Variants in PPFIBP1 observed in about 807,000 individuals in gnomAD.
PPFIBP1 encodes liprin-beta-1.
Under a neutral mutation model 137.8 loss-of-function variants are expected in PPFIBP1, and 112 were observed. The observed-to-expected ratio is 0.81, with a 90% CI of 0.70 to 0.95. The LOEUF is 0.95. Among genes scored for constraint, PPFIBP1 ranks in the 40% least tolerant of loss-of-function variants. The pLI is 0.00. For missense variants in PPFIBP1, 1,083 were observed against 1,196.6 expected, an observed-to-expected ratio of 0.91 and a Z score of 1.40; for synonymous variants, 378 against 417.3, an observed-to-expected ratio of 0.91 and a Z score of 1.15.
At chr12:27,591,650 T>C (rs950394160) in intron 2 of PPFIBP1, among the ~76,000 whole-genome samples, 6 of 152,218 alleles carry the variant, frequency 3.9e-5, no homozygotes, top group African/African-American at 1.4e-4. Flanking sequence ...TATCAAGTGC[T>C]TGTGTTACCT....
chr12:27,631,792 C>A (rs1260290298), intron 2 of PPFIBP1, among the ~76,000 whole-genome samples: 1 of 152,078 alleles, frequency 6.6e-6, no homozygotes, highest in Non-Finnish European at 1.5e-5. Flanking sequence ...CTAACAAAGA[C>A]GAATATTTTT....
chr12:27,631,229 T>A lies in PPFIBP1; in HGVS notation c.-35-2133T>A, dbSNP rs376471342. On this transcript the variant is annotated intron_variant, in intron 2 of 29. Coordinates refer to ENST00000228425, the MANE Select transcript of PPFIBP1 (RefSeq NM_003622.4). ...CATTTCTGCCAAATGATTGTTCATA[T>A]CCTCATGCCTCCTATTTTTTCATTG... is the stretch of plus-strand genomic sequence containing the variant. 1.5e-4 allele frequency among the ~76,000 whole-genome samples: 23 copies of A among 152,318 alleles called. No individual in the cohort carries two copies. In the East Asian group the frequency reaches 4.4e-3, roughly 29 times the overall value.
intron 1 of PPFIBP1, among the ~76,000 whole-genome samples, chr12:27,563,059 A>G (rs1413494349): frequency 6.6e-6 from 1 of 151,558 alleles, no homozygotes; most frequent in African/African-American, 2.4e-5. Context: ...GATGGAATTA[A>G]GGTTACTAAT....
intron 4 of PPFIBP1, among the ~76,000 whole-genome samples, chr12:27,645,831 T>G (rs1206627304): frequency 2.6e-5 from 4 of 152,218 alleles, no homozygotes; most frequent in Non-Finnish European, 5.9e-5. Context: ...TATTTTCTGC[T>G]TGATAAGAAA....
chr12:27,593,941 G>C, intron 2 of PPFIBP1: 1 of 1,478,314 alleles, frequency 6.8e-7, no homozygotes, highest in Non-Finnish European at 8.9e-7. Context: ...CCTCACAGGG[G>C]GTGTCCTCAC....
chr12:27,665,931 A>C (rs1473673873), intron 12 of PPFIBP1, among the ~76,000 whole-genome samples: 1 of 152,238 alleles, frequency 6.6e-6, no homozygotes, highest in East Asian at 1.9e-4. Flanking sequence ...CTTCAGAAGA[A>C]GAGTCTCTAT....
intron 13 of PPFIBP1, among the ~76,000 whole-genome samples, chr12:27,670,306 T>A (rs907235762): frequency 1.3e-5 from 2 of 152,224 alleles, no homozygotes; most frequent in African/African-American, 2.4e-5. Flanking sequence ...GCTGTAATAT[T>A]ATTATTATCA....
intron 2 of PPFIBP1, among the ~76,000 whole-genome samples, chr12:27,623,659 G>T (rs989155760): frequency 6.6e-6 from 1 of 152,118 alleles, no homozygotes; most frequent in African/African-American, 2.4e-5. Context: ...AGTGAGCCGC[G>T]ATCATGCCAC....
At chr12:27,551,139 T>C (rs7133686) in intron 1 of PPFIBP1, among the ~76,000 whole-genome samples, 1,943 of 152,198 alleles carry the variant, frequency 0.013, 18 homozygotes, top group Non-Finnish European at 0.017. Context: ...ATCTGCACCA[T>C]GGTAGTTAAG....
At chr12:27,684,044 C>A (rs527942858) in intron 24 of PPFIBP1, among the ~76,000 whole-genome samples, 2 of 152,250 alleles carry the variant, frequency 1.3e-5, no homozygotes, top group African/African-American at 4.8e-5. Flanking sequence ...ACCTTGGCCT[C>A]CCAAAGTGCT....
intron 5 of PPFIBP1, among the ~76,000 whole-genome samples, chr12:27,647,148 C>T (rs1195220652): frequency 6.6e-6 from 1 of 152,162 alleles, no homozygotes; most frequent in African/African-American, 2.4e-5. Flanking sequence ...ATTACAGGCA[C>T]ATGCCCCCAC....
At chr12:27,634,601 A>C (rs1430348905) in intron 3 of PPFIBP1, among the ~76,000 whole-genome samples, 3 of 152,142 alleles carry the variant, frequency 2.0e-5, no homozygotes, top group Non-Finnish European at 4.4e-5. Context: ...CTGATCTGCC[A>C]CTTTCTTATC....
chr12:27,550,311 C>T (rs1019739468), intron 1 of PPFIBP1, among the ~76,000 whole-genome samples: 2 of 152,192 alleles, frequency 1.3e-5, no homozygotes, highest in African/African-American at 2.4e-5. Flanking sequence ...AGTTTCTGTA[C>T]TTAAAGCCCC....
rs1481577092 is a variant in PPFIBP1, at chr12:27,677,092, C to A, written c.1611C>A (p.Thr537=). ...GTAAACGAAGTGCCAGTGCACCCAC[C>A]CTAGGTATTGTACCCCTGCATGCCA... ...LDRKRSASAP[T]LAETEKETAE... The change falls in exon 19 of 30, where the codon ACC becomes ACA. Residue 537 remains threonine, a synonymous_variant. Coordinates refer to ENST00000228425, the MANE Select transcript of PPFIBP1 (RefSeq NM_003622.4). 1 of 1,613,988 alleles carries A rather than the reference C, an allele frequency of 6.2e-7. No homozygotes were observed. The highest frequency in any genetic ancestry group is 1.3e-5 in the African/African-American group (1 of 74,916).
intron 2 of PPFIBP1, among the ~76,000 whole-genome samples, chr12:27,589,666 G>T (rs1431889487): frequency 4.6e-5 from 7 of 152,194 alleles, no homozygotes; most frequent in Non-Finnish European, 7.3e-5. Context: ...AAGTATGTCA[G>T]AAATCTTACT....
chr12:27,678,392 T>C (rs1336236922), intron 19 of PPFIBP1, among the ~76,000 whole-genome samples: 3 of 152,224 alleles, frequency 2.0e-5, no homozygotes, highest in Admixed American at 6.5e-5. Flanking sequence ...CTTCTCTCAG[T>C]GCCTAGGATT....
intron 2 of PPFIBP1, chr12:27,594,172 C>CAA: frequency 7.9e-6 from 2 of 252,766 alleles, no homozygotes; most frequent in Non-Finnish European, 1.4e-5. Flanking sequence ...ATCCCCTTTT[C>CAA]TATTTTTTTT....
chr12:27,689,726 C>T (rs2061415100), intron 27 of PPFIBP1, among the ~76,000 whole-genome samples: 1 of 152,174 alleles, frequency 6.6e-6, no homozygotes, highest in Admixed American at 6.5e-5. Flanking sequence ...TTGTGGGACC[C>T]TCCCTTAACT....
chr12:27,621,103 G>A (rs954957850), intron 2 of PPFIBP1, among the ~76,000 whole-genome samples: 1 of 152,250 alleles, frequency 6.6e-6, no homozygotes, highest in African/African-American at 2.4e-5. Context: ...GAGGCTGTAG[G>A]ATAAGGTAGG....
Sources: gnomAD v4.1 joint callset for allele counts (sites outside exome capture counted in the v4.1 genomes callset) on GRCh38, gnomAD v4.1.1 for gene constraint, MANE v1.5 for transcripts, NCBI Gene and HGNC (gene_info 2026-07-23, HGNC 2026-07-21) for gene names.